EGF: variants seen among roughly 807,000 people sequenced by gnomAD.
EGF encodes epidermal growth factor.
In EGF, 95 loss-of-function variants were observed where a neutral mutation model predicts 143.8. The observed-to-expected ratio is 0.66, with a 90% confidence interval of 0.56 to 0.78. EGF has a LOEUF of 0.78. Ranked by LOEUF, EGF falls within the 30% of genes least tolerant of loss-of-function variation. EGF has a pLI of 0.00. For missense variants in EGF, 1,320 were observed against 1,470.9 expected (o/e 0.90, Z 1.68); for synonymous variants, 510 against 510.5 (o/e 1.00, Z 0.01).
At chr4:109,953,366 A>G (rs768617051) in intron 5 of EGF, among the ~76,000 whole-genome samples, 26 of 152,230 alleles carry the variant, frequency 1.7e-4, no homozygotes, top group Non-Finnish European at 3.4e-4. Flanking sequence ...AAGCAATGAC[A>G]TTCTAATTCT....
intron 9 of EGF, among the ~76,000 whole-genome samples, chr4:109,963,897 C>CTGT (rs1307898887): frequency 3.3e-5 from 5 of 152,182 alleles, no homozygotes; most frequent in African/African-American, 1.2e-4. Context: ...GACCCCAATA[C>CTGT]TGTTAACTTC....
Position 109,976,254 on chromosome 4 carries a change from C to A in EGF, c.2053+19C>A, listed in dbSNP as rs746158733. On this transcript the variant is annotated intron_variant, in intron 13 of 23. Coordinates refer to ENST00000265171, the MANE Select transcript of EGF (RefSeq NM_001963.6). ...GATGTAGGTGAGGCTTTGGGATGGG[C>A]GATTTTTTCATCTTGACTGAGTGTT... The A allele has an allele frequency of 2.4e-5, 38 of 1,602,944 alleles. No homozygotes were observed. Among genetic ancestry groups the A allele is most frequent in the Non-Finnish European group, 3.2e-5 (38 of 1,171,530 alleles).
chr4:109,985,444 C>A (rs1285527750), intron 16 of EGF, among the ~76,000 whole-genome samples: 1 of 152,200 alleles, frequency 6.6e-6, no homozygotes, highest in East Asian at 1.9e-4. Context: ...ATGAAACAAC[C>A]TTTAGACACC....
chr4:110,008,814 T>G (rs766755564), intron 23 of EGF, among the ~76,000 whole-genome samples: 2 of 152,148 alleles, frequency 1.3e-5, no homozygotes, highest in Non-Finnish European at 2.9e-5. Context: ...CAGATAGAAA[T>G]GAACTCAGAT....
intron 5 of EGF, among the ~76,000 whole-genome samples, chr4:109,957,854 T>C (rs1042678534): frequency 4.6e-5 from 7 of 152,236 alleles, no homozygotes; most frequent in Non-Finnish European, 1.0e-4. Flanking sequence ...GGCCTTCACC[T>C]CTTGCCAGGC....
In EGF at chr4:110,012,743, A is replaced by T. The variant is rs1205361713; in HGVS notation, c.*1288A>T. On this transcript the variant is annotated 3_prime_UTR_variant, in exon 24 of 24. Transcript: ENST00000265171. ...TTTTAAAAAAATTTTTTAATCTACAACTCTGTAGATTAAAATTTCACATGG... is the reference window on the plus strand; with the variant it reads ...TTTTAAAAAAATTTTTTAATCTACATCTCTGTAGATTAAAATTTCACATGG... Among the ~76,000 whole-genome samples the T allele has an allele frequency of 1.3e-5, 2 of 151,636 alleles. No individual in the cohort carries two copies. The highest frequency in any genetic ancestry group is 2.9e-5 in the Non-Finnish European group (2 of 67,916).
intron 5 of EGF, among the ~76,000 whole-genome samples, chr4:109,949,890 G>A (rs1743544009): frequency 6.6e-6 from 1 of 152,216 alleles, no homozygotes; most frequent in African/African-American, 2.4e-5. Context: ...GATTCAGGTT[G>A]TCTGGTTCTG....
rs764354904 is a variant in EGF, at chr4:109,981,017, C to G, written c.2371+42C>G. 14 of 1,611,534 alleles carry G rather than the reference C, an allele frequency of 8.7e-6. No homozygotes were observed. The East Asian group carries it at 2.5e-4, about 28-fold the overall frequency. Reference sequence around the variant, plus strand: ...TGTGGCAAATTACCTAACGTTGGCTCAGAAATACAGCTGTACATCAATCTT... The same window carrying G: ...TGTGGCAAATTACCTAACGTTGGCTGAGAAATACAGCTGTACATCAATCTT... On this transcript the variant is annotated intron_variant, in intron 15 of 23. Transcript: ENST00000265171.
At chr4:109,961,737 A>G in intron 7 of EGF, 126 bp from the exon 8 acceptor site, 3 of 1,256,180 alleles carry the variant, frequency 2.4e-6, no homozygotes, top group Non-Finnish European at 3.4e-6. Flanking sequence ...AGTGGCTCAC[A>G]CCTGTAATCC....
intron 1 of EGF, among the ~76,000 whole-genome samples, chr4:109,920,473 C>T (rs533554980): frequency 1.8e-4 from 27 of 151,394 alleles, no homozygotes; most frequent in Admixed American, 9.8e-4. Flanking sequence ...CTTGATGGGG[C>T]GAGGAGAAGA....
Position 110,011,566 on chromosome 4 carries a change from T to C in EGF, c.*111T>C. 6.6e-7 allele frequency: 1 copy of C among 1,519,664 alleles called. No homozygotes were observed. Among genetic ancestry groups the C allele is most frequent in the Non-Finnish European group, 9.0e-7 (1 of 1,109,480 alleles). The allele number at this position is 1,519,664 out of a possible 1,614,324, so 94.1% of individuals were successfully genotyped here. ...GTTTTGGTTCCACAATCTCTACGAC[T>C]AATCACCTACTCAATGCCTGGAGAC... On this transcript the variant is annotated 3_prime_UTR_variant, in exon 24 of 24. Coordinates refer to ENST00000265171, the MANE Select transcript of EGF (RefSeq NM_001963.6).
Position 110,003,719 on chromosome 4 carries a change from A to T in EGF, c.3174-786A>T, listed in dbSNP as rs11569107. 4.6e-3 allele frequency among the ~76,000 whole-genome samples: 669 copies of T among 144,522 alleles called. 10 individuals carry two copies. Among genetic ancestry groups the T allele is most frequent in the African/African-American group, 0.016 (630 of 38,438 alleles). The allele number at this position is 144,522 out of a possible 152,430, so 94.8% of individuals were successfully genotyped here. The stretch of plus-strand genomic sequence containing the variant: ...TCCCCACCCCCACCCCTAGTGAATG[A>T]CGCCGTGTATAGACTTAGCGTTGAA... On this transcript the variant is annotated intron_variant, in intron 21 of 23. Transcript: ENST00000265171.
chr4:109,995,262 T>A (rs1751606980), intron 20 of EGF, among the ~76,000 whole-genome samples: 1 of 152,250 alleles, frequency 6.6e-6, no homozygotes, highest in Admixed American at 6.5e-5. Context: ...TGAGCATCCG[T>A]GATCTGTTTC....
intron 22 of EGF, 52 bp from the exon 23 acceptor site, chr4:110,008,100 T>C (rs1753549526): frequency 6.6e-7 from 1 of 1,505,800 alleles, no homozygotes; most frequent in South Asian, 1.1e-5. Context: ...TACGTTGAGA[T>C]AATTTGTGAA....
chr4:109,944,139 T>G, intron 4 of EGF, 70 bp downstream of exon 4: 6 of 1,489,958 alleles, frequency 4.0e-6, no homozygotes, highest in South Asian at 2.4e-5. Flanking sequence ...TAATTTTACT[T>G]TTGTCAATGG....
rs41421149 is a variant in EGF at position 109,941,200 on chromosome 4, T to C, written c.327+55T>C. 4.7e-6 allele frequency: 7 copies of C among 1,489,050 alleles called. No homozygotes were observed. The East Asian group carries it at 1.6e-4, about 34-fold the overall frequency. 92.2% of individuals were successfully genotyped at this position (1,489,050 alleles called of 1,614,324 possible). ...CTGTTTTTGTACAGGCTGACAAATA[T>C]AATATACTGAATTCTTAATGTATAG... is the stretch of plus-strand genomic sequence containing the variant. On this transcript the variant is annotated intron_variant, in intron 2 of 23. Transcript: ENST00000265171.
chr4:109,934,654 G>A (rs1431618455), intron 1 of EGF, among the ~76,000 whole-genome samples: 1 of 152,114 alleles, frequency 6.6e-6, no homozygotes, highest in Non-Finnish European at 1.5e-5. Flanking sequence ...TGTCCTGAAT[G>A]GTATTGCCTA....
intron 8 of EGF, among the ~76,000 whole-genome samples, chr4:109,962,474 T>G (rs1339591936): frequency 1.3e-5 from 2 of 152,204 alleles, no homozygotes; most frequent in Non-Finnish European, 2.9e-5. Flanking sequence ...GTGTGTGTGT[T>G]TTTGATTTTC....
intron 5 of EGF, among the ~76,000 whole-genome samples, chr4:109,952,537 T>C (rs1744116469): frequency 6.6e-6 from 1 of 152,228 alleles, no homozygotes; most frequent in South Asian, 2.1e-4. Flanking sequence ...GTGTCTACTA[T>C]AAAATCTTGG....
Sources: gnomAD v4.1 joint callset for allele counts (sites outside exome capture counted in the v4.1 genomes callset) on GRCh38, gnomAD v4.1.1 for gene constraint, MANE v1.5 for transcripts, NCBI Gene and HGNC (gene_info 2026-07-23, HGNC 2026-07-21) for gene names.